Variants in BLTP1 observed in about 807,000 individuals in gnomAD.
BLTP1 encodes the protein fragile site-associated protein.
At chr4:122,250,342 G>GC in the BLTP1 span, 2 of 1,570,512 alleles carry the variant, frequency 1.3e-6, no homozygotes, top group Non-Finnish European at 1.8e-6. Context: ...TATAATAAAT[G>GC]CTTTTTTTTA....
the BLTP1 span, among the ~76,000 whole-genome samples, chr4:122,205,264 C>T: frequency 2.8e-3 from 421 of 151,878 alleles, 4 homozygotes; most frequent in African/African-American, 9.7e-3. Flanking sequence ...TAATAATAAA[C>T]GCTACCATTT....
chr4:122,244,077 C>T, the BLTP1 span: 593 of 1,499,744 alleles, frequency 4.0e-4, 9 homozygotes, highest in South Asian at 8.1e-3. Context: ...AATGATTACT[C>T]TGTGATATGA....
chr4:122,307,481 C>T, the BLTP1 span: 109 of 985,314 alleles, frequency 1.1e-4, no homozygotes, highest in African/African-American at 1.8e-3. Context: ...TGAAGGTTTT[C>T]CTTAAGGTTT....
At chr4:122,165,372 T>A in the BLTP1 span, among the ~76,000 whole-genome samples, 5 of 151,332 alleles carry the variant, frequency 3.3e-5, no homozygotes, top group East Asian at 7.8e-4. Context: ...GGTTTCCAGC[T>A]TCATCCATGT....
At chr4:122,353,323 G>T in the BLTP1 span, 33 of 821,854 alleles carry the variant, frequency 4.0e-5, no homozygotes, top group African/African-American at 6.1e-4. The surrounding 1 kb of genome is among the most constrained non-coding windows in gnomAD (Gnocchi z 4.3). Flanking sequence ...GTTAATTTCT[G>T]AACTTGCCAT....
the BLTP1 span, chr4:122,164,524 C>A: frequency 1.6e-6 from 1 of 618,286 alleles, no homozygotes; most frequent in Non-Finnish European, 2.0e-6. Context: ...TTAAGAGGCT[C>A]ACAGTTTTGA....
At chr4:122,286,934 T>C in the BLTP1 span, 16 of 663,162 alleles carry the variant, frequency 2.4e-5, no homozygotes, top group Middle Eastern at 4.1e-4. Context: ...ATCAAGTGTG[T>C]GTGTGTGGGT....
chr4:122,336,370 T>C, the BLTP1 span: 1 of 1,520,800 alleles, frequency 6.6e-7, no homozygotes, highest in Non-Finnish European at 9.0e-7. Flanking sequence ...ATCCTTCTTA[T>C]ATACCTCCCC....
chr4:122,268,915 G>T, the BLTP1 span: 1 of 153,370 alleles, frequency 6.5e-6, no homozygotes, highest in Non-Finnish European at 1.4e-5. Context: ...TGACTTGTGG[G>T]CTGAAGAGCT....
the BLTP1 span, chr4:122,155,989 T>G: frequency 1.0e-6 from 1 of 973,268 alleles, no homozygotes; most frequent in Non-Finnish European, 1.2e-6. Context: ...CATATGTTAA[T>G]GTTTAATAAA....
At chr4:122,230,341 C>T in the BLTP1 span, 3 of 738,262 alleles carry the variant, frequency 4.1e-6, no homozygotes, top group Non-Finnish European at 6.6e-6. Context: ...GATTGTGCTG[C>T]TGCACCTCAA....
the BLTP1 span, chr4:122,353,726 ACTGAATTTATAGCT>A: frequency 2.1e-6 from 3 of 1,432,048 alleles, no homozygotes; most frequent in South Asian, 4.3e-5. The surrounding 1 kb of genome is among the most constrained non-coding windows in gnomAD (Gnocchi z 4.3). Context: ...ATATATGACA[ACTGAATTTATAGCT>A]CTGAGGCCAC....
the BLTP1 span, chr4:122,190,082 A>ATTG: frequency 4.1e-5 from 66 of 1,611,670 alleles, no homozygotes; most frequent in East Asian, 3.1e-4. Context: ...TGAGCCAGGT[A>ATTG]TTGTTGTTGT....
At chr4:122,299,009 C>T in the BLTP1 span, 18 of 985,250 alleles carry the variant, frequency 1.8e-5, no homozygotes, top group East Asian at 3.4e-4. Context: ...TTTATACTTG[C>T]GTTCAGGAAA....
chr4:122,194,045 G>A, the BLTP1 span, among the ~76,000 whole-genome samples: 3 of 151,974 alleles, frequency 2.0e-5, no homozygotes, highest in Admixed American at 2.0e-4. Flanking sequence ...TGTATTTTTA[G>A]TAGAGACGGG....
At chr4:122,286,313 A>G in the BLTP1 span, 31 of 424,108 alleles carry the variant, frequency 7.3e-5, no homozygotes, top group Non-Finnish European at 9.4e-5. Context: ...GCCAGTCTTA[A>G]TAAATAATAC....
At chr4:122,282,020 C>A in the BLTP1 span, 1 of 979,578 alleles carries the variant, frequency 1.0e-6, no homozygotes, top group Non-Finnish European at 1.2e-6. Context: ...GGCCATTTCT[C>A]CAATTTAAAC....
chr4:122,161,742 TA>T, the BLTP1 span, among the ~76,000 whole-genome samples: 1 of 152,166 alleles, frequency 6.6e-6, no homozygotes, highest in Non-Finnish European at 1.5e-5. Context: ...CAAATTTTCT[TA>T]AGGGTAAAAA....
At chr4:122,235,601 C>A in the BLTP1 span, 1 of 296,294 alleles carries the variant, frequency 3.4e-6, no homozygotes, top group Non-Finnish European at 5.0e-6. Flanking sequence ...GTCAGGAGAT[C>A]AAGACCATCC....
Sources: allele counts gnomAD v4.1 joint callset (sites outside exome capture counted in the v4.1 genomes callset), GRCh38; gene constraint gnomAD v4.1.1; non-coding constraint Gnocchi (gnomAD v3.1); transcripts MANE v1.5; gene names NCBI Gene and HGNC (gene_info 2026-07-23, HGNC 2026-07-21).